The following NPAS3 variants were observed in gnomAD, a reference collection of about 807,000 sequenced individuals.
NPAS3 encodes neuronal PAS domain-containing protein 3.
A neutral mutation model predicts 73.1 loss-of-function variants in NPAS3; 14 were observed. The ratio of observed to expected loss-of-function variants is 0.19; its 90% confidence interval spans 0.13 to 0.30. NPAS3 has a LOEUF of 0.30. Ranked by LOEUF, NPAS3 falls within the 10% of genes least tolerant of loss-of-function variation. The pLI is 1.00. For synonymous variants in NPAS3, 620 were observed against 541.5 expected (o/e 1.14, Z -2.01); for missense variants, 1,096 against 1,250.0 (o/e 0.88, Z 1.86).
At position 33,800,655 on chromosome 14, in the gene NPAS3, C is replaced by T. The variant is rs1259904251; in HGVS notation, c.2348C>T (p.Ser783Phe). The change falls in exon 12 of 12, where the codon TCC becomes TTC. Residue 783 changes from serine to phenylalanine, a missense_variant. By Grantham distance (155) the Ser-to-Phe change is radical. Around this residue, in one of 5 missense-constraint regions of NPAS3, gnomAD observed 698 missense variants for 676.7 expected, o/e 1.03. Coordinates refer to ENST00000356141, the Ensembl canonical transcript of NPAS3. The surrounding 1 kb of genome is among the most constrained non-coding windows in gnomAD (Gnocchi z 6.5). ...GGCGGCGGCCCCAGCGCGTCCAACT[C>T]CTTGCTGTACACTGGGGACCTGGAG... 3 of 1,527,580 alleles carry T rather than the reference C, an allele frequency of 2.0e-6. No individual in the cohort carries two copies. The highest frequency in any genetic ancestry group is 1.2e-5 in the South Asian group (1 of 82,230). The allele number at this position is 1,527,580 out of a possible 1,614,324, so 94.6% of individuals were successfully genotyped here.
intron 1 of NPAS3, among the ~76,000 whole-genome samples, chr14:33,011,104 C>T (rs746637688): frequency 2.6e-5 from 4 of 152,100 alleles, no homozygotes; most frequent in Non-Finnish European, 5.9e-5. Context: ...AAAAGTGAAA[C>T]TTGTAAGAGG....
intron 5 of NPAS3, among the ~76,000 whole-genome samples, chr14:33,598,832 A>G (rs1168763270): frequency 6.6e-6 from 1 of 152,234 alleles, no homozygotes; most frequent in African/African-American, 2.4e-5. Context: ...TGTTAAAGAA[A>G]ACACAAGGCA....
chr14:33,696,251 T>A (rs1429923717), intron 6 of NPAS3, among the ~76,000 whole-genome samples: 1 of 152,216 alleles, frequency 6.6e-6, no homozygotes, highest in African/African-American at 2.4e-5. Context: ...AATGAAATCC[T>A]TTAATGAGAC....
intron 6 of NPAS3, among the ~76,000 whole-genome samples, chr14:33,693,290 C>A (rs954098879): frequency 6.6e-6 from 1 of 152,146 alleles, no homozygotes; most frequent in Admixed American, 6.5e-5. Context: ...ACTGTTATGA[C>A]CAATCCCTGT....
At chr14:33,342,921 G>A (rs2044553520) in intron 3 of NPAS3, among the ~76,000 whole-genome samples, 1 of 151,998 alleles carries the variant, frequency 6.6e-6, no homozygotes, top group Admixed American at 6.6e-5. Context: ...GCCCATATGT[G>A]TCATTATTAC....
chr14:33,295,061 C>T (rs1268820017), intron 3 of NPAS3, among the ~76,000 whole-genome samples: 3 of 152,146 alleles, frequency 2.0e-5, no homozygotes, highest in Non-Finnish European at 4.4e-5. Flanking sequence ...TTATTTATCA[C>T]AAGCTAAGAT....
chr14:33,421,149 G>A (rs2048344486), intron 4 of NPAS3, among the ~76,000 whole-genome samples: 1 of 151,840 alleles, frequency 6.6e-6, no homozygotes, highest in Non-Finnish European at 1.5e-5. Context: ...GGATTTGTAT[G>A]TGTATATAAT....
intron 2 of NPAS3, among the ~76,000 whole-genome samples, chr14:33,210,926 G>A (rs1237072128): frequency 6.6e-6 from 1 of 152,282 alleles, no homozygotes; most frequent in Non-Finnish European, 1.5e-5. Flanking sequence ...AAGGAAAAAT[G>A]TGTTATGTCA....
intron 1 of NPAS3, among the ~76,000 whole-genome samples, chr14:32,974,619 GAC>G (rs1233045886): frequency 2.0e-5 from 3 of 152,092 alleles, no homozygotes; most frequent in African/African-American, 7.2e-5. Context: ...ACCAAACAAA[GAC>G]AGAGCTAATG....
intron 4 of NPAS3, among the ~76,000 whole-genome samples, chr14:33,384,291 TCA>T (rs1229483312): frequency 6.6e-6 from 1 of 152,152 alleles, no homozygotes; most frequent in African/African-American, 2.4e-5. Context: ...GTATTTTAAT[TCA>T]GTTTCTATAA....
intron 9 of NPAS3, among the ~76,000 whole-genome samples, chr14:33,791,575 T>A (rs181255647): frequency 6.6e-6 from 1 of 152,152 alleles, no homozygotes; most frequent in Non-Finnish European, 1.5e-5. Context: ...TGCAGACCAC[T>A]GGGGAGGCCA....
chr14:33,012,343 A>T (rs2039234370), intron 1 of NPAS3, among the ~76,000 whole-genome samples: 1 of 152,212 alleles, frequency 6.6e-6, no homozygotes, highest in Non-Finnish European at 1.5e-5. Flanking sequence ...TCAATTTCTA[A>T]TATTGGCTGA....
intron 4 of NPAS3, among the ~76,000 whole-genome samples, chr14:33,413,357 G>A (rs117427435): frequency 0.01 from 1,539 of 151,974 alleles, 32 homozygotes; most frequent in South Asian, 0.063. Context: ...GCTGCATGAG[G>A]GCACGGCCCC....
intron 3 of NPAS3, among the ~76,000 whole-genome samples, chr14:33,285,078 T>C (rs2041819015): frequency 6.6e-6 from 1 of 152,186 alleles, no homozygotes; most frequent in African/African-American, 2.4e-5. Flanking sequence ...GGAGCACTCA[T>C]GTTTCCATTC....
At chr14:33,272,245 T>C (rs528821631) in intron 3 of NPAS3, among the ~76,000 whole-genome samples, 1 of 152,318 alleles carries the variant, frequency 6.6e-6, no homozygotes, top group East Asian at 1.9e-4. Flanking sequence ...GCTGTACATT[T>C]CTTCCACAAA....
At chr14:33,614,311 A>G (rs549295956) in intron 5 of NPAS3, among the ~76,000 whole-genome samples, 14 of 152,352 alleles carry the variant, frequency 9.2e-5, no homozygotes, top group East Asian at 1.9e-4. Flanking sequence ...TTAATTGCCA[A>G]ACAGGCATGA....
At chr14:33,244,114 A>T (rs1240893147) in intron 3 of NPAS3, among the ~76,000 whole-genome samples, 4 of 151,658 alleles carry the variant, frequency 2.6e-5, no homozygotes, top group South Asian at 4.2e-4. Flanking sequence ...TCTAACTTTC[A>T]ATTTTATTGA....
chr14:33,590,600 G>T (rs2057029240), intron 5 of NPAS3, among the ~76,000 whole-genome samples: 1 of 152,104 alleles, frequency 6.6e-6, no homozygotes, highest in African/African-American at 2.4e-5. Flanking sequence ...TTAATATTTT[G>T]CAGCAATAAT....
At chr14:33,733,048 A>G (rs2061437557) in intron 6 of NPAS3, among the ~76,000 whole-genome samples, 1 of 152,236 alleles carries the variant, frequency 6.6e-6, no homozygotes, top group African/African-American at 2.4e-5. Flanking sequence ...CCAGGACCCC[A>G]GCGCTAAAAC....
Sources: gnomAD v4.1 joint callset for allele counts (sites outside exome capture counted in the v4.1 genomes callset) on GRCh38, gnomAD v4.1.1 for gene constraint, gnomAD v4.1.1 regional missense constraint, Gnocchi (gnomAD v3.1) non-coding constraint, MANE v1.5 for transcripts, NCBI Gene and HGNC (gene_info 2026-07-23, HGNC 2026-07-21) for gene names.